The following FOXP2 variants were observed in gnomAD, a reference collection of about 807,000 sequenced individuals.
The protein encoded by FOXP2 is forkhead box P2.
Under a neutral mutation model 115.8 loss-of-function variants are expected in FOXP2, and 12 were observed. That is an observed-to-expected ratio of 0.10 (90% confidence interval 0.07 to 0.17). The LOEUF is 0.17. FOXP2 is among the 10% of genes least tolerant of loss of function. The pLI, the probability that FOXP2 is intolerant of heterozygous loss-of-function variation, is 1.00. For missense variants in FOXP2, 629 were observed against 843.5 expected (o/e 0.75, Z 3.15); for synonymous variants, 328 against 297.7 (o/e 1.10, Z -1.05).
intron 2 of FOXP2, among the ~76,000 whole-genome samples, chr7:114,482,585 T>C (rs753211981): frequency 2.0e-5 from 3 of 151,596 alleles, no homozygotes; most frequent in African/African-American, 7.2e-5. Context: ...TCCCTTTCAT[T>C]TCCATCTTTT....
intron 3 of FOXP2, among the ~76,000 whole-genome samples, chr7:114,624,361 T>C (rs2129324892): frequency 6.6e-6 from 1 of 152,008 alleles, no homozygotes; most frequent in African/African-American, 2.4e-5. Context: ...AATAAAAAGA[T>C]CTGTGAACCA....
chr7:114,129,681 T>C (rs979649892), intron 1 of FOXP2, among the ~76,000 whole-genome samples: 1 of 152,226 alleles, frequency 6.6e-6, no homozygotes, highest in East Asian at 1.9e-4. Context: ...CTTTTTACTA[T>C]TGTTTAGCAC....
chr7:114,447,832 T>A (rs568590236), intron 2 of FOXP2, among the ~76,000 whole-genome samples: 1 of 152,310 alleles, frequency 6.6e-6, no homozygotes, highest in African/African-American at 2.4e-5. Context: ...AAGGACCATT[T>A]TTCCAAGTTC....
chr7:114,394,023 AG>A (rs1373089365), intron 2 of FOXP2, among the ~76,000 whole-genome samples: 14 of 150,424 alleles, frequency 9.3e-5, no homozygotes, highest in African/African-American at 3.4e-4. Context: ...AGAGAGAGAG[AG>A]AGAGATCCCT....
intron 2 of FOXP2, among the ~76,000 whole-genome samples, chr7:114,315,529 C>T (rs996531366): frequency 2.0e-5 from 3 of 151,930 alleles, no homozygotes; most frequent in Non-Finnish European, 4.4e-5. Context: ...ATAGAGTGTT[C>T]TAGTCACCCA....
intron 16 of FOXP2, among the ~76,000 whole-genome samples, chr7:114,681,546 G>A (rs1312612241): frequency 6.6e-6 from 1 of 152,146 alleles, no homozygotes; most frequent in African/African-American, 2.4e-5. Flanking sequence ...GCCTGTGATG[G>A]ATGACTGAGG....
chr7:114,554,740 G>A (rs1273604633), intron 3 of FOXP2, among the ~76,000 whole-genome samples: 1 of 152,040 alleles, frequency 6.6e-6, no homozygotes, highest in African/African-American at 2.4e-5. Context: ...GTTCTTTCCA[G>A]AAATTGCATT....
intron 6 of FOXP2, among the ~76,000 whole-genome samples, chr7:114,640,778 A>G (rs1325236670): frequency 6.6e-6 from 1 of 152,138 alleles, no homozygotes; most frequent in Non-Finnish European, 1.5e-5. Flanking sequence ...TTTATATTAG[A>G]TGTTATAGAT....
At position 114,669,082 on chromosome 7, in the gene FOXP2, T is replaced by C. The variant is rs563340788; in HGVS notation, c.2003+4646T>C. ...TTTTAATTATTTAATTAATATGTAT[T>C]TTATAACCATTCCAATTTACGTGAG... On this transcript the variant is annotated intron_variant, in intron 16 of 16. Coordinates refer to ENST00000350908, the MANE Select transcript of FOXP2 (RefSeq NM_014491.4). 3 of 152,162 alleles carry C rather than the reference T, an allele frequency of 2.0e-5. No homozygotes were observed. In the East Asian group the frequency reaches 5.8e-4, roughly 29 times the overall value. The allele number at this position is 152,162 out of a possible 1,614,324, so 9.4% of individuals were successfully genotyped here.
intron 1 of FOXP2, among the ~76,000 whole-genome samples, chr7:114,094,069 A>C (rs1799595413): frequency 6.6e-6 from 1 of 152,288 alleles, no homozygotes; most frequent in Admixed American, 6.5e-5. Flanking sequence ...GGGTCAAATC[A>C]GGATCTCTTC....
chr7:114,168,513 GA>G (rs1432419890), intron 1 of FOXP2, among the ~76,000 whole-genome samples: 1 of 152,146 alleles, frequency 6.6e-6, no homozygotes, highest in Non-Finnish European at 1.5e-5. Flanking sequence ...ATATCTAGCA[GA>G]AGAAATTTCT....
chr7:114,664,610 A>G (rs1409524881), intron 16 of FOXP2, 174 bp downstream of exon 16: 1 of 711,848 alleles, frequency 1.4e-6, no homozygotes, highest in Non-Finnish European at 2.3e-6. Context: ...GTTTTAATAC[A>G]TTTTTTAGAT....
chr7:114,509,942 A>T (rs1797994515), intron 2 of FOXP2, among the ~76,000 whole-genome samples: 1 of 152,084 alleles, frequency 6.6e-6, no homozygotes, highest in Non-Finnish European at 1.5e-5. Flanking sequence ...AAAGGTGCTC[A>T]CAAACACTTT....
intron 2 of FOXP2, among the ~76,000 whole-genome samples, chr7:114,439,245 A>T (rs1459118675): frequency 6.6e-6 from 1 of 152,066 alleles, no homozygotes; most frequent in Non-Finnish European, 1.5e-5. Flanking sequence ...CAAAATTCTA[A>T]AATTTTATTA....
chr7:114,134,527 A>G (rs978391810), intron 1 of FOXP2, among the ~76,000 whole-genome samples: 5 of 151,696 alleles, frequency 3.3e-5, no homozygotes, highest in South Asian at 2.1e-4. Flanking sequence ...TCCCGGCTAA[A>G]ACGGTGAAAC....
chr7:114,176,298 T>TTCTCTC (rs1554426487), intron 1 of FOXP2, among the ~76,000 whole-genome samples: 107 of 76,568 alleles, frequency 1.4e-3, no homozygotes, highest in South Asian at 0.01. Flanking sequence ...CTTTCTTTCT[T>TTCTCTC]TCTCTCTCTC....
rs2129348272 is a variant in FOXP2, at chr7:114,677,266, T to C, written c.2004-12516T>C. Reference sequence around the variant, plus strand: ...TAAACACTACATTTCTAAGACCTGATTGAATTTACATTGTGCCAGTGAGTC... The same window carrying C: ...TAAACACTACATTTCTAAGACCTGACTGAATTTACATTGTGCCAGTGAGTC... On this transcript the variant is annotated intron_variant, in intron 16 of 16. Transcript: ENST00000350908. 1.3e-5 allele frequency among the ~76,000 whole-genome samples: 2 copies of C among 152,244 alleles called. 1 individual carries two copies. Among genetic ancestry groups the C allele is most frequent in the South Asian group, 4.1e-4 (2 of 4,830 alleles).
At chr7:114,684,515 T>A (rs1585027037) in intron 16 of FOXP2, among the ~76,000 whole-genome samples, 1 of 152,308 alleles carries the variant, frequency 6.6e-6, no homozygotes, top group East Asian at 1.9e-4. Flanking sequence ...TGACAGTAAC[T>A]CAATATCTAT....
At chr7:114,219,909 C>T (rs1009407856) in intron 1 of FOXP2, among the ~76,000 whole-genome samples, 1 of 151,840 alleles carries the variant, frequency 6.6e-6, no homozygotes, top group Non-Finnish European at 1.5e-5. Context: ...CCAGACTGGC[C>T]AGGCTGGAGT....
Sources: allele counts gnomAD v4.1 joint callset (sites outside exome capture counted in the v4.1 genomes callset), GRCh38; gene constraint gnomAD v4.1.1; transcripts MANE v1.5; gene names NCBI Gene and HGNC (gene_info 2026-07-23, HGNC 2026-07-21).